ITFG1: variants seen among roughly 807,000 people sequenced by gnomAD.
ITFG1 encodes the protein integrin alpha FG-GAP repeat containing 1.
Under a neutral mutation model 81.8 loss-of-function variants are expected in ITFG1, and 34 were observed. The observed-to-expected ratio is 0.42, with a 90% CI of 0.32 to 0.55. The LOEUF is 0.55. ITFG1 is among the 20% of genes least tolerant of loss of function. The probability of loss-of-function intolerance (pLI) is 0.17; values close to 1 mark genes in which losing one functional copy is unlikely to be tolerated. For synonymous variants in ITFG1, 285 were observed against 270.6 expected (o/e 1.05, Z -0.52); for missense variants, 672 against 755.4 (o/e 0.89, Z 1.29).
chr16:47,329,994 G>A (rs1218912042), intron 8 of ITFG1, among the ~76,000 whole-genome samples: 1 of 152,006 alleles, frequency 6.6e-6, no homozygotes, highest in Non-Finnish European at 1.5e-5. Context: ...TCAACATTTG[G>A]GCAGGGATAG....
Position 47,459,123 on chromosome 16 carries a change from G to T in ITFG1, c.261C>A (p.Pro87=). The change falls in exon 2 of 18, where the codon CCC becomes CCA. Residue 87 remains proline (P), a synonymous_variant. Transcript: ENST00000320640. ...CTTACTTGAAAGATACCTTTACTTTGGGTTTAAAATAGGGTGCATTCTGGT... is the reference window on the plus strand; with the variant it reads ...CTTACTTGAAAGATACCTTTACTTTTGGTTTAAAATAGGGTGCATTCTGGT... ...LADQNAPYFK[P]KVKVSFKNHS... 1 of 1,593,528 alleles carries T rather than the reference G, an allele frequency of 6.3e-7. No individual in the cohort carries two copies. Among genetic ancestry groups the T allele is most frequent in the Non-Finnish European group, 8.6e-7 (1 of 1,161,690 alleles).
chr16:47,223,573 T>A (rs1965720150), intron 13 of ITFG1, among the ~76,000 whole-genome samples: 1 of 152,116 alleles, frequency 6.6e-6, no homozygotes, highest in Non-Finnish European at 1.5e-5. Context: ...CAATAGGTGC[T>A]GGAGAGGATG....
chr16:47,274,812 C>T (rs746537021), intron 10 of ITFG1, among the ~76,000 whole-genome samples: 21 of 152,102 alleles, frequency 1.4e-4, no homozygotes, highest in Admixed American at 2.6e-4. Context: ...GTGGGAAAGG[C>T]CATTAGTCCA....
chr16:47,441,188 C>T (rs371860611), intron 5 of ITFG1, among the ~76,000 whole-genome samples: 3 of 152,208 alleles, frequency 2.0e-5, no homozygotes, highest in South Asian at 4.1e-4. Flanking sequence ...CAATAATTAA[C>T]AGCTTACCAA....
intron 12 of ITFG1, among the ~76,000 whole-genome samples, chr16:47,252,966 T>C (rs994942875): frequency 6.6e-6 from 1 of 152,226 alleles, no homozygotes; most frequent in African/African-American, 2.4e-5. Context: ...TCATTTCCTG[T>C]GACCTTTCTG....
chr16:47,289,691 A>G (rs1966885899), intron 10 of ITFG1, among the ~76,000 whole-genome samples: 1 of 151,874 alleles, frequency 6.6e-6, no homozygotes, highest in African/African-American at 2.4e-5. Context: ...ATCAATTTTA[A>G]TGTCTCCCTT....
chr16:47,331,373 T>C (rs911283483), intron 8 of ITFG1, among the ~76,000 whole-genome samples: 3 of 152,028 alleles, frequency 2.0e-5, no homozygotes. Flanking sequence ...TCCTATGGGG[T>C]ACTGTGTTCA....
At chr16:47,307,372 G>C (rs1967186852) in intron 10 of ITFG1, among the ~76,000 whole-genome samples, 1 of 151,984 alleles carries the variant, frequency 6.6e-6, no homozygotes. Context: ...AACTCTCACT[G>C]TCTACAGAGG....
chr16:47,187,448 A>C (rs1283690083), intron 14 of ITFG1, among the ~76,000 whole-genome samples: 1 of 152,164 alleles, frequency 6.6e-6, no homozygotes, highest in African/African-American at 2.4e-5. Context: ...AGCCCTCAGA[A>C]ATAATGCCGC....
At chr16:47,244,589 TTTTGTGTGTGTGTGTG>T (rs1567433929) in intron 12 of ITFG1, among the ~76,000 whole-genome samples, 2 of 140,788 alleles carry the variant, frequency 1.4e-5, no homozygotes, top group Non-Finnish European at 3.0e-5. Flanking sequence ...GTATTCCATC[TTTTGTGTGTGTGTGTG>T]TGTGTGTGTG....
chr16:47,178,375 T>C (rs1442978597), intron 14 of ITFG1, among the ~76,000 whole-genome samples: 1 of 152,186 alleles, frequency 6.6e-6, no homozygotes, highest in Non-Finnish European at 1.5e-5. Context: ...TCCTGGTTTT[T>C]AAACAGTCCT....
intron 5 of ITFG1, chr16:47,450,287 A>G (rs1041071293): frequency 1.9e-5 from 3 of 157,834 alleles, no homozygotes; most frequent in African/African-American, 7.2e-5. Context: ...TTCAGGATTC[A>G]CAATAATTAT....
chr16:47,236,758 A>G (rs1965879838), intron 13 of ITFG1, among the ~76,000 whole-genome samples: 1 of 152,128 alleles, frequency 6.6e-6, no homozygotes, highest in Non-Finnish European at 1.5e-5. Context: ...CAGTGATATA[A>G]AAGTATATGG....
intron 6 of ITFG1, among the ~76,000 whole-genome samples, chr16:47,398,245 C>T (rs1968616897): frequency 6.6e-6 from 1 of 151,972 alleles, no homozygotes; most frequent in Admixed American, 6.6e-5. Flanking sequence ...TGTCTATTTA[C>T]AGGCGCTGAT....
intron 10 of ITFG1, among the ~76,000 whole-genome samples, chr16:47,275,847 A>G (rs1966392501): frequency 6.6e-6 from 1 of 152,162 alleles, no homozygotes; most frequent in Non-Finnish European, 1.5e-5. Context: ...AGCTTTTAAA[A>G]TTTGTACTTC....
chr16:47,224,208 T>A (rs540883931), intron 13 of ITFG1, among the ~76,000 whole-genome samples: 1 of 152,224 alleles, frequency 6.6e-6, no homozygotes, highest in South Asian at 2.1e-4. Context: ...AAACTTAAAG[T>A]ATAATAATAA....
chr16:47,229,238 G>C (rs1038093876), intron 13 of ITFG1, among the ~76,000 whole-genome samples: 7 of 152,100 alleles, frequency 4.6e-5, no homozygotes, highest in Non-Finnish European at 1.0e-4. Flanking sequence ...CCAACTCTAT[G>C]TCAAACGGAA....
chr16:47,248,919 T>C (rs1007279722), intron 12 of ITFG1, among the ~76,000 whole-genome samples: 1 of 152,214 alleles, frequency 6.6e-6, no homozygotes, highest in Non-Finnish European at 1.5e-5. Flanking sequence ...TTGTGTTCTT[T>C]GCCCCTGTGA....
intron 5 of ITFG1, among the ~76,000 whole-genome samples, chr16:47,436,186 C>CA (rs1969164229): frequency 6.6e-6 from 1 of 151,918 alleles, no homozygotes. Context: ...ATTCTCCAAA[C>CA]AAAAAATTCA....
Sources: gnomAD v4.1 joint callset for allele counts (sites outside exome capture counted in the v4.1 genomes callset) on GRCh38, gnomAD v4.1.1 for gene constraint, MANE v1.5 for transcripts, NCBI Gene and HGNC (gene_info 2026-07-23, HGNC 2026-07-21) for gene names.